LSP1: variants seen among roughly 807,000 people sequenced by gnomAD.
The protein encoded by LSP1 is lymphocyte-specific protein 1.
Under a neutral mutation model 49.3 loss-of-function variants are expected in LSP1, and 32 were observed. The observed-to-expected ratio is 0.65, with a 90% CI of 0.49 to 0.87. The LOEUF (loss-of-function observed/expected upper bound fraction) is 0.87, where lower values mean the gene tolerates loss of function less well. Ranked by LOEUF, LSP1 falls within the 40% of genes least tolerant of loss-of-function variation. The probability of loss-of-function intolerance (pLI) is 0.00; values close to 1 mark genes in which losing one functional copy is unlikely to be tolerated. For synonymous variants in LSP1, 179 were observed against 178.8 expected (o/e 1.00, Z -0.01); for missense variants, 428 against 442.6 (o/e 0.97, Z 0.30).
chr11:1,862,774 GGGTGATCTCA>G (rs1847676459), intron 1 of LSP1, among the ~76,000 whole-genome samples: 1 of 20,052 alleles, frequency 5.0e-5, no homozygotes, highest in South Asian at 8.2e-4. Context: ...CGCCTCCCCT[GGGTGATCTCA>G]CCTCCCCTGG....
At chr11:1,867,146 G>T (rs1847820684) in intron 1 of LSP1, among the ~76,000 whole-genome samples, 1 of 152,140 alleles carries the variant, frequency 6.6e-6, no homozygotes. Flanking sequence ...CAGCCAGTGG[G>T]TTGGTGGCAT....
intron 1 of LSP1, chr11:1,871,562 T>C: frequency 1.2e-6 from 1 of 833,604 alleles, no homozygotes; most frequent in Non-Finnish European, 1.4e-6. Context: ...AGGCTCCATT[T>C]TCCAGTCTCA....
Position 1,879,961 on chromosome 11 carries a change from C to T in LSP1, c.54-126C>T, listed in dbSNP as rs915225202. 5.9e-6 allele frequency: 7 copies of T among 1,184,442 alleles called. No individual in the cohort carries two copies. In the African/African-American group the frequency reaches 9.5e-5, roughly 16 times the overall value. 73.4% of individuals were successfully genotyped at this position (1,184,442 alleles called of 1,614,324 possible). A position where few individuals can be genotyped will look rare whatever the true frequency, so the allele number is the denominator to read the frequency against. On this transcript the variant is annotated intron_variant, in intron 1 of 10. Transcript: ENST00000311604. ...GTGAGGCCTGAGGGCCGGCCTGGGACTGACCTCGTGGACAGGGCTGCCTGC... is the reference window on the plus strand; with the variant it reads ...GTGAGGCCTGAGGGCCGGCCTGGGATTGACCTCGTGGACAGGGCTGCCTGC...
intron 2 of LSP1, 28 bp from the exon 3 acceptor site, chr11:1,881,404 G>A: frequency 6.5e-7 from 1 of 1,547,076 alleles, no homozygotes; most frequent in Non-Finnish European, 8.7e-7. Context: ...CAGCCGCCCA[G>A]GCCTAAGCTC....
chr11:1,868,958 A>C, intron 1 of LSP1: 16 of 986,106 alleles, frequency 1.6e-5, no homozygotes, highest in Non-Finnish European at 1.9e-5. Context: ...CCGGGGACTG[A>C]GCATCCGGCT....
intron 1 of LSP1, chr11:1,870,135 G>A (rs1225145101): frequency 1.8e-5 from 10 of 549,082 alleles, no homozygotes; most frequent in South Asian, 3.0e-5. Flanking sequence ...TTTAAACGGG[G>A]ATGTCTGGAC....
In LSP1 at chr11:1,884,579, G is replaced by A. The variant is rs375475958; in HGVS notation, c.715G>A (p.Glu239Lys). ...GCTGGAACAATACACCCAGGCCATC[G>A]AGGTATGACCTGGCTCCCCTCTGCT... ...QWLEQYTQAI[E>K]TAGRTPKLAR... is the part of the protein sequence containing the mutation. Residue 239 changes from glutamate to lysine, a missense_variant and splice_region_variant, in exon 7 of 11, where the codon GAG becomes AAG. Glu to Lys is a moderately conservative substitution (Grantham distance 56). Transcript: ENST00000311604. This position sits in a 1 kb window ranked among gnomAD's most constrained non-coding sequence, Gnocchi z 4.1. 19 of 1,613,434 alleles carry A rather than the reference G, an allele frequency of 1.2e-5. No homozygotes were observed. Among genetic ancestry groups the A allele is most frequent in the East Asian group, 4.5e-5 (2 of 44,886 alleles).
At chr11:1,869,697 G>A (rs1847914244) in intron 1 of LSP1, 1 of 470,728 alleles carries the variant, frequency 2.1e-6, no homozygotes, top group Non-Finnish European at 4.4e-6. Flanking sequence ...AAAGAAGCGA[G>A]AAATGGATGC....
At chr11:1,879,156 C>T (rs1046428258) in intron 1 of LSP1, among the ~76,000 whole-genome samples, 1 of 152,088 alleles carries the variant, frequency 6.6e-6, no homozygotes, top group African/African-American at 2.4e-5. Flanking sequence ...ACCAGCCTGA[C>T]CAACATGGAG....
At chr11:1,865,178 C>T (rs975308850) in intron 1 of LSP1, 8 of 985,816 alleles carry the variant, frequency 8.1e-6, no homozygotes, top group South Asian at 4.7e-5. Flanking sequence ...CAGGCCAGGT[C>T]GCCGCCTGAG....
At chr11:1,858,868 G>T (rs1162038763) in intron 1 of LSP1, among the ~76,000 whole-genome samples, 1 of 152,204 alleles carries the variant, frequency 6.6e-6, no homozygotes, top group Non-Finnish European at 1.5e-5. Context: ...GCCAGACACA[G>T]GCAGACAAGG....
At chr11:1,864,884 C>T (rs565566819) in intron 1 of LSP1, among the ~76,000 whole-genome samples, 1 of 152,114 alleles carries the variant, frequency 6.6e-6, no homozygotes, top group Non-Finnish European at 1.5e-5. Flanking sequence ...GGCCCACAGA[C>T]TCCTGTGCCA....
intron 1 of LSP1, chr11:1,869,174 G>A (rs935190664): frequency 7.1e-5 from 17 of 240,664 alleles, no homozygotes; most frequent in Non-Finnish European, 1.1e-4. Flanking sequence ...CTTGAGGGTC[G>A]GCTGCTACCC....
At chr11:1,876,491 C>T in intron 1 of LSP1, 1 of 985,614 alleles carries the variant, frequency 1.0e-6, no homozygotes, top group South Asian at 4.7e-5. Flanking sequence ...CTCCTCACTC[C>T]CCAGGACCCC....
intron 1 of LSP1, chr11:1,868,803 G>A: frequency 1.0e-6 from 1 of 985,762 alleles, no homozygotes; most frequent in African/African-American, 1.7e-5. Flanking sequence ...GAGGACGGCG[G>A]TTCAGGCTTC....
At chr11:1,876,950 C>A (rs1848335504) in intron 1 of LSP1, among the ~76,000 whole-genome samples, 1 of 152,130 alleles carries the variant, frequency 6.6e-6, no homozygotes, top group African/African-American at 2.4e-5. Flanking sequence ...TGGATGGAGC[C>A]CCCCCACCGC....
chr11:1,877,319 G>A (rs2133102866), intron 1 of LSP1, among the ~76,000 whole-genome samples: 1 of 152,272 alleles, frequency 6.6e-6, no homozygotes, highest in East Asian at 1.9e-4. Flanking sequence ...ACGTAGAAGG[G>A]GCCCAGAGGC....
intron 1 of LSP1, among the ~76,000 whole-genome samples, chr11:1,879,309 C>T (rs1437418498): frequency 6.6e-6 from 1 of 152,156 alleles, no homozygotes. Flanking sequence ...CACACCATTG[C>T]ACTCCAGCCT....
chr11:1,876,990 G>C (rs954405660), intron 1 of LSP1, among the ~76,000 whole-genome samples: 1 of 152,182 alleles, frequency 6.6e-6, no homozygotes, highest in Non-Finnish European at 1.5e-5. Context: ...CTTGGGCTTC[G>C]GAGCCAGAAC....
Sources: allele counts gnomAD v4.1 joint callset (sites outside exome capture counted in the v4.1 genomes callset), GRCh38; gene constraint gnomAD v4.1.1; non-coding constraint Gnocchi (gnomAD v3.1); transcripts MANE v1.5; gene names NCBI Gene and HGNC (gene_info 2026-07-23, HGNC 2026-07-21).